DLEC1: variants seen among roughly 807,000 people sequenced by gnomAD.
DLEC1 encodes deleted in lung and esophageal cancer protein 1.
A neutral mutation model predicts 198.1 loss-of-function variants in DLEC1; 146 were observed. The ratio of observed to expected loss-of-function variants is 0.74; its 90% CI spans 0.64 to 0.85. The LOEUF is 0.85. Among genes scored for constraint, DLEC1 ranks in the 40% least tolerant of loss-of-function variants. The pLI is 0.00. For synonymous variants in DLEC1, 897 were observed against 866.8 expected (o/e 1.03, Z -0.61); for missense variants, 2,233 against 2,220.0 (o/e 1.01, Z -0.12).
intron 1 of DLEC1, 69 bp downstream of exon 1, chr3:38,039,705 T>C (rs1051159635): frequency 6.6e-7 from 1 of 1,504,746 alleles, no homozygotes; most frequent in Non-Finnish European, 8.9e-7. Context: ...CGTCAGCACC[T>C]GCCAGGTGCC....
In DLEC1 at chr3:38,068,394, C is replaced by A. The variant is rs570984135; in HGVS notation, c.1173+4475C>A. Among the ~76,000 whole-genome samples, 7 of 152,210 alleles carry A rather than the reference C, an allele frequency of 4.6e-5. No homozygotes were observed. In the South Asian group the frequency reaches 8.3e-4, roughly 18 times the overall value. On this transcript the variant is annotated intron_variant, in intron 6 of 36. Coordinates refer to ENST00000308059, the MANE Select transcript of DLEC1 (RefSeq NM_007335.4). ...TACAGGTGCAGGCCACCACACCTGG[C>A]TAATTTTTGTATTTTTTGTATAGAC...
chr3:38,058,045 C>G (rs941947285), intron 2 of DLEC1, among the ~76,000 whole-genome samples: 1 of 152,096 alleles, frequency 6.6e-6, no homozygotes, highest in Non-Finnish European at 1.5e-5. Context: ...CCTCGTGATC[C>G]GCCTGCCTCA....
intron 26 of DLEC1, 143 bp from the exon 27 acceptor site, chr3:38,114,840 A>G: frequency 1.4e-6 from 1 of 721,474 alleles, no homozygotes; most frequent in Non-Finnish European, 2.3e-6. Context: ...GGAAGGCACC[A>G]GCCCCAGGTC....
intron 11 of DLEC1, among the ~76,000 whole-genome samples, chr3:38,093,222 AC>A (rs768504968): frequency 2.4e-4 from 36 of 151,944 alleles, no homozygotes; most frequent in Non-Finnish European, 3.8e-4. Context: ...AGCCAGAGCC[AC>A]CTCTAGATTT....
At chr3:38,039,995 T>C (rs926099865) in intron 1 of DLEC1, among the ~76,000 whole-genome samples, 4 of 152,210 alleles carry the variant, frequency 2.6e-5, no homozygotes, top group African/African-American at 9.7e-5. Flanking sequence ...GGTGCCTTTG[T>C]ATCACAAACC....
intron 34 of DLEC1, 61 bp downstream of exon 34, chr3:38,120,670 T>A (rs919435511): frequency 5.0e-6 from 8 of 1,602,990 alleles, no homozygotes; most frequent in Non-Finnish European, 6.0e-6. Flanking sequence ...TGTGTTCTGC[T>A]GGGGCCAGAG....
Position 38,122,692 on chromosome 3 carries a change from G to GA in DLEC1, c.*287dup, listed in dbSNP as rs567142304. The GA allele has an allele frequency of 4.6e-5, 65 of 1,406,118 alleles. No homozygotes were observed. The African/African-American group carries it at 7.8e-4, about 17-fold the overall frequency. 87.1% of individuals were successfully genotyped at this position (1,406,118 alleles called of 1,614,324 possible). On this transcript the variant is annotated 3_prime_UTR_variant, in exon 37 of 37. Transcript: ENST00000308059. ...GACCAGTATGGCAAAATTAGTCTTGGAAAAAAACCACAGCCACTAAGATAA... is the reference window on the plus strand; with the variant it reads ...GACCAGTATGGCAAAATTAGTCTTGGAAAAAAAACCACAGCCACTAAGATAA...
rs766601329 is a variant in DLEC1 at position 38,093,649 on chromosome 3, GA to G, written c.1807del (p.Ser603AlafsTer11). ...IALDLIYISG[E>X]KSQPDPGELT... is the part of the protein sequence containing the mutation. ...TTTGGATCTGATCTATATTTCTGGT[GA>G]AAAAAGCCAGCCAGACCCTGGAGAG... On this transcript the variant is annotated frameshift_variant, in exon 12 of 37. Transcript: ENST00000308059. LOFTEE classifies it high-confidence loss of function. The G allele has an allele frequency of 8.1e-6, 13 of 1,614,182 alleles. No homozygotes were observed. In the East Asian group the frequency reaches 2.9e-4, roughly 36 times the overall value.
At chr3:38,057,130 AG>A (rs1404021700) in intron 2 of DLEC1, among the ~76,000 whole-genome samples, 14 of 152,362 alleles carry the variant, frequency 9.2e-5, no homozygotes, top group Middle Eastern at 3.4e-3. Flanking sequence ...GTGCATCATT[AG>A]GGGAATGGAT....
chr3:38,060,975 G>A (rs7613254), intron 3 of DLEC1, among the ~76,000 whole-genome samples: 3 of 151,884 alleles, frequency 2.0e-5, no homozygotes, highest in South Asian at 2.1e-4. Flanking sequence ...ATGAGCCACC[G>A]CACCCGGCCA....
chr3:38,107,500 C>A, intron 19 of DLEC1, 84 bp from the exon 20 acceptor site: 1 of 1,357,488 alleles, frequency 7.4e-7, no homozygotes, highest in Non-Finnish European at 9.8e-7. Flanking sequence ...GGATTTTCTA[C>A]ATAGACTGCA....
At chr3:38,091,067 A>C (rs1698722188) in intron 10 of DLEC1, among the ~76,000 whole-genome samples, 1 of 152,266 alleles carries the variant, frequency 6.6e-6, no homozygotes, top group Non-Finnish European at 1.5e-5. Context: ...AATGGATTAA[A>C]GATTTAAATA....
chr3:38,097,471 TCTC>T (rs1201411507), intron 16 of DLEC1, 33 bp from the exon 17 acceptor site: 7 of 1,611,284 alleles, frequency 4.3e-6, no homozygotes, highest in Non-Finnish European at 5.9e-6. Context: ...TGCCTCTGCT[TCTC>T]CTCTCCACCT....
intron 1 of DLEC1, among the ~76,000 whole-genome samples, chr3:38,039,947 C>T (rs13059214): frequency 0.2 from 29,881 of 152,216 alleles, 3,515 homozygotes; most frequent in East Asian, 0.35. Context: ...AATAGTTGTT[C>T]CATGGAGAGG....
Position 38,114,403 on chromosome 3 carries a change from G to C in DLEC1, c.3728G>C (p.Ser1243Thr). Residue 1243 changes from serine to threonine, a missense_variant, in exon 26 of 37, where the codon AGC becomes ACC. Physicochemically the swap from Ser to Thr is moderately conservative, Grantham distance 58. Coordinates refer to ENST00000308059, the MANE Select transcript of DLEC1 (RefSeq NM_007335.4). ...VHMAAVGCPI[S>T]SLRTTSYTID... ...ATGGCAGCGGTGGGCTGCCCCATCA[G>C]CTCCCTGAGGACCACCTCCTACACT... is the stretch of plus-strand genomic sequence containing the variant. 1 of 1,614,136 alleles carries C rather than the reference G, an allele frequency of 6.2e-7. No individual in the cohort carries two copies. The highest frequency in any genetic ancestry group is 8.5e-7 in the Non-Finnish European group (1 of 1,180,018).
intron 15 of DLEC1, among the ~76,000 whole-genome samples, chr3:38,096,953 G>A (rs1478749511): frequency 6.6e-6 from 1 of 152,188 alleles, no homozygotes; most frequent in Non-Finnish European, 1.5e-5. Flanking sequence ...CTGAAAGTTA[G>A]GGCTATGGAA....
At chr3:38,055,487 A>G (rs553678824) in intron 2 of DLEC1, among the ~76,000 whole-genome samples, 2 of 152,224 alleles carry the variant, frequency 1.3e-5, no homozygotes, top group Admixed American at 1.3e-4. Context: ...ACTCTTCACC[A>G]TCAGCTTAGA....
At chr3:38,115,622 T>C (rs886261621) in intron 27 of DLEC1, among the ~76,000 whole-genome samples, 1 of 151,962 alleles carries the variant, frequency 6.6e-6, no homozygotes, top group African/African-American at 2.4e-5. Flanking sequence ...GCCCTGGCCA[T>C]GCCTGCCCCT....
chr3:38,113,910 G>A (rs1386183425), intron 25 of DLEC1, among the ~76,000 whole-genome samples: 1 of 151,986 alleles, frequency 6.6e-6, no homozygotes, highest in Non-Finnish European at 1.5e-5. Context: ...TTGATTAGCA[G>A]AGAAAAGTAA....
Sources: allele counts gnomAD v4.1 joint callset (sites outside exome capture counted in the v4.1 genomes callset), GRCh38; gene constraint gnomAD v4.1.1; transcripts MANE v1.5; gene names NCBI Gene and HGNC (gene_info 2026-07-23, HGNC 2026-07-21).